TBC1D9B: variants seen among roughly 807,000 people sequenced by gnomAD.
TBC1D9B encodes the protein TBC1 domain family, member 9B (with GRAM domain).
In TBC1D9B, 87 loss-of-function variants were observed where a neutral mutation model predicts 121.1. The observed-to-expected ratio is 0.72, with a 90% CI of 0.60 to 0.86. The LOEUF is 0.86. TBC1D9B is among the 40% of genes least tolerant of loss of function. The pLI is 0.00. For missense variants in TBC1D9B, 1,540 were observed against 1,628.6 expected (o/e 0.95, Z 0.94); for synonymous variants, 668 against 670.1 (o/e 1.00, Z 0.05).
rs953427293 is a variant in TBC1D9B at position 179,890,356 on chromosome 5, G to A, written c.1044+1023C>T. On this transcript the variant is annotated intron_variant, in intron 6 of 20. Coordinates refer to ENST00000355235, the MANE Select transcript of TBC1D9B (RefSeq NM_015043.4). The surrounding 1 kb of genome is among the most constrained non-coding windows in gnomAD (Gnocchi z 5.0). ...CTACCATCTGAGATGTCAAGGGCCC[G>A]GCAGGAGAAATCCAAACGGAGCCTC... Among the ~76,000 whole-genome samples the A allele has an allele frequency of 1.3e-5, 2 of 152,166 alleles. No individual in the cohort carries two copies. The highest frequency in any genetic ancestry group is 6.5e-5 in the Admixed American group (1 of 15,284).
chr5:179,863,329 C>T lies in TBC1D9B; in HGVS notation c.*119G>A, dbSNP rs1759900993. On this transcript the variant is annotated 3_prime_UTR_variant, in exon 21 of 21. Transcript: ENST00000355235. The surrounding 1 kb of genome is among the most constrained non-coding windows in gnomAD (Gnocchi z 4.5). The stretch of plus-strand genomic sequence containing the variant: ...CCTTCTTTCCACTCACAACTCACTG[C>T]TCCTGGGAGAGCAGGAGGGGCACAC... 7 of 1,204,858 alleles carry T rather than the reference C, an allele frequency of 5.8e-6. No homozygotes were observed. Among genetic ancestry groups the T allele is most frequent in the Non-Finnish European group, 6.9e-6 (6 of 867,848 alleles). 74.6% of individuals were successfully genotyped at this position (1,204,858 alleles called of 1,614,324 possible). A position where few individuals can be genotyped will look rare whatever the true frequency, so the allele number is the denominator to read the frequency against.
Position 179,894,460 on chromosome 5 carries a change from C to G in TBC1D9B, c.503G>C (p.Arg168Pro). ...GTACAGCCAGCCCTGCCGGGGCACG[C>G]GGCCCTTCCAGTAGCTGCAGGAGTA... ...NYYSCSYWKG[R>P]VPRQGWLYLT... Residue 168 changes from arginine to proline, a missense_variant, in exon 4 of 21, where the codon CGC becomes CCC. Coordinates refer to ENST00000355235, the MANE Select transcript of TBC1D9B (RefSeq NM_015043.4). 2 of 1,614,154 alleles carry G rather than the reference C, an allele frequency of 1.2e-6. No individual in the cohort carries two copies. The highest frequency in any genetic ancestry group is 1.7e-6 in the Non-Finnish European group (2 of 1,179,996).
At position 179,870,579 on chromosome 5, in the gene TBC1D9B, C is replaced by G. The variant is rs1404487076; in HGVS notation, c.2485-84G>C. On this transcript the variant is annotated intron_variant, in intron 15 of 20. Transcript: ENST00000355235. ...CCTAGGCTGGTGGTGTGTCCACCCT[C>G]CCCCTCTGTCCAAGCCTGCGGAGCC... 4 of 1,486,804 alleles carry G rather than the reference C, an allele frequency of 2.7e-6. No homozygotes were observed. In the Admixed American group the frequency reaches 8.6e-5, roughly 32 times the overall value. 92.1% of individuals were successfully genotyped at this position (1,486,804 alleles called of 1,614,324 possible).
intron 7 of TBC1D9B, among the ~76,000 whole-genome samples, chr5:179,886,910 A>C (rs1416577648): frequency 6.6e-6 from 1 of 152,280 alleles, no homozygotes; most frequent in Non-Finnish European, 1.5e-5. Flanking sequence ...GGGCTAGACC[A>C]GATGAGCCCC....
In TBC1D9B at chr5:179,863,368, C is replaced by G. The variant is rs1759902111; in HGVS notation, c.*80G>C. 6.7e-7 allele frequency: 1 copy of G among 1,494,348 alleles called. No homozygotes were observed. The highest frequency in any genetic ancestry group is 9.0e-7 in the Non-Finnish European group (1 of 1,106,700). The allele number at this position is 1,494,348 out of a possible 1,614,324, so 92.6% of individuals were successfully genotyped here. ...GGAGGGGCACACCTTTAAAGAGAAA[C>G]TGATAAGGGAGGAAAGGCAGGAGGA... On this transcript the variant is annotated 3_prime_UTR_variant, in exon 21 of 21. Coordinates refer to ENST00000355235, the MANE Select transcript of TBC1D9B (RefSeq NM_015043.4). The surrounding 1 kb of genome is among the most constrained non-coding windows in gnomAD (Gnocchi z 4.5).
rs1226663437 is a variant in TBC1D9B, at chr5:179,887,180, GA to G, written c.1254+922del. On this transcript the variant is annotated intron_variant, in intron 7 of 20. Transcript: ENST00000355235. Reference sequence around the variant, plus strand: ...TTTGGGAGAATTTCAGCTCCCAGACGAAAGGAGGAATGGAATGAGCATGCCG... The same window carrying G: ...TTTGGGAGAATTTCAGCTCCCAGACGAAGGAGGAATGGAATGAGCATGCCG... Among the ~76,000 whole-genome samples, 71 of 152,166 alleles carry G rather than the reference GA, an allele frequency of 4.7e-4. 1 individual carries two copies. Among genetic ancestry groups the G allele is most frequent in the Admixed American group, 4.6e-3 (71 of 15,284 alleles).
chr5:179,871,369 T>C (rs1491003414), intron 15 of TBC1D9B, 93 bp downstream of exon 15: 2 of 1,261,036 alleles, frequency 1.6e-6, no homozygotes, highest in South Asian at 1.3e-5. Context: ...CCTATTTCTA[T>C]CTACTTCTAA....
chr5:179,905,253 T>A (rs571593324), intron 1 of TBC1D9B, among the ~76,000 whole-genome samples: 27 of 152,350 alleles, frequency 1.8e-4, no homozygotes, highest in African/African-American at 6.5e-4. Flanking sequence ...TTTTCCTAAC[T>A]GCCATGTGCG....
rs375542132 is a variant in TBC1D9B, at chr5:179,879,152, C to G, written c.1462G>C (p.Glu488Gln). 2 of 1,606,208 alleles carry G rather than the reference C, an allele frequency of 1.2e-6. No homozygotes were observed. Among genetic ancestry groups the G allele is most frequent in the Non-Finnish European group, 1.7e-6 (2 of 1,179,570 alleles). The change falls in exon 9 of 21, where the codon GAG (glutamate) becomes CAG (glutamine). Residue 488 changes from glutamate to glutamine, a missense_variant. Glu to Gln is a conservative substitution (Grantham distance 29, BLOSUM62 2). Coordinates refer to ENST00000355235, the MANE Select transcript of TBC1D9B (RefSeq NM_015043.4). ...KEESWHIHFF[E>Q]YGRGVCMYRT... Reference sequence around the variant, plus strand: ...TACATGCACACGCCACGCCCGTACTCGAAGAAGTGGATGTGCCATGACTCC... The same window carrying G: ...TACATGCACACGCCACGCCCGTACTGGAAGAAGTGGATGTGCCATGACTCC...
At chr5:179,881,616 T>G (rs1297352349) in intron 7 of TBC1D9B, among the ~76,000 whole-genome samples, 1 of 152,222 alleles carries the variant, frequency 6.6e-6, no homozygotes, top group African/African-American at 2.4e-5. Flanking sequence ...CTCCCAGAAG[T>G]TACCTCCATT....
rs1759881451 is a variant in TBC1D9B, at chr5:179,862,769, T to C, written c.*679A>G. The C allele has an allele frequency of 5.6e-6, 2 of 359,620 alleles. No homozygotes were observed. Among genetic ancestry groups the C allele is most frequent in the South Asian group, 4.0e-5 (2 of 50,610 alleles). The allele number at this position is 359,620 out of a possible 1,614,324, so 22.3% of individuals were successfully genotyped here. ...TTTCTTTCAGGGATTTATTAAGGCA[T>C]TGAGCACAGTGTAATTTCTAGCCAA... On this transcript the variant is annotated 3_prime_UTR_variant, in exon 21 of 21. Coordinates refer to ENST00000355235, the MANE Select transcript of TBC1D9B (RefSeq NM_015043.4).
At chr5:179,884,686 G>T (rs1760628347) in intron 7 of TBC1D9B, 1 of 152,188 alleles carries the variant, frequency 6.6e-6, no homozygotes. Context: ...CCTTAAAAAA[G>T]AAATCTTGAG....
chr5:179,905,061 C>G (rs868319283), intron 1 of TBC1D9B, among the ~76,000 whole-genome samples: 1 of 152,220 alleles, frequency 6.6e-6, no homozygotes, highest in African/African-American at 2.4e-5. Context: ...CACTTGCAGG[C>G]AGAGGCAGAT....
chr5:179,903,292 C>T (rs985967988), intron 2 of TBC1D9B, among the ~76,000 whole-genome samples: 1 of 146,160 alleles, frequency 6.8e-6, no homozygotes, highest in African/African-American at 2.8e-5. Flanking sequence ...CCGGGTGGTT[C>T]AGGCAAGTGC....
Position 179,902,981 on chromosome 5 carries a change from A to G in TBC1D9B, c.229+1721T>C, listed in dbSNP as rs983483144. Reference sequence around the variant, plus strand: ...TGCCCGTGCAGAGCGCCCACCTGGGAGTGGGGCTATTCCCGGGGTGCCGCC... The same window carrying G: ...TGCCCGTGCAGAGCGCCCACCTGGGGGTGGGGCTATTCCCGGGGTGCCGCC... On this transcript the variant is annotated intron_variant, in intron 2 of 20. Transcript: ENST00000355235. This position sits in a 1 kb window ranked among gnomAD's most constrained non-coding sequence, Gnocchi z 4.9. 2.3e-4 allele frequency among the ~76,000 whole-genome samples: 35 copies of G among 152,174 alleles called. No homozygotes were observed. Among genetic ancestry groups the G allele is most frequent in the African/African-American group, 8.0e-4 (33 of 41,438 alleles).
In TBC1D9B at chr5:179,863,771, A is replaced by G. The variant is rs540973351; in HGVS notation, c.3379T>C (p.Ser1127Pro). The G allele has an allele frequency of 1.9e-6, 3 of 1,613,510 alleles. No individual in the cohort carries two copies. The South Asian group carries it at 3.3e-5, about 18-fold the overall frequency. Residue 1127 changes from serine to proline, a missense_variant, in exon 21 of 21, where the codon TCT becomes CCT. Ser to Pro is a moderately conservative substitution (Grantham distance 74). Coordinates refer to ENST00000355235, the MANE Select transcript of TBC1D9B (RefSeq NM_015043.4). This position sits in a 1 kb window ranked among gnomAD's most constrained non-coding sequence, Gnocchi z 4.5. ...EGQGSPSQLL[S>P]DDETKDDMSM... is the part of the protein sequence containing the mutation. ...ATGTCGTCTTTGGTTTCATCGTCAG[A>G]CAGCAGCTGGGAGGGTGAGCCCTGT...
In TBC1D9B at chr5:179,893,464, C is replaced by T. The variant is rs1197237325; in HGVS notation, c.581G>A (p.Ser194Asn). Reference sequence around the variant, plus strand: ...TATGTCCACCCACTGCACCACGAGGCTCACTGTGCCCACAGAGATAGACAC... The same window carrying T: ...TATGTCCACCCACTGCACCACGAGGTTCACTGTGCCCACAGAGATAGACAC... ...FYSFLLGKEV[S>N]LVVQWVDITR... Residue 194 changes from serine to asparagine, a missense_variant, in exon 5 of 21, where the codon AGC (serine) becomes AAC (asparagine). Physicochemically the swap from Ser to Asn is conservative, Grantham distance 46. Coordinates refer to ENST00000355235, the MANE Select transcript of TBC1D9B (RefSeq NM_015043.4). The T allele has an allele frequency of 1.3e-6, 2 of 1,597,954 alleles. No individual in the cohort carries two copies. Among genetic ancestry groups the T allele is most frequent in the Admixed American group, 1.7e-5 (1 of 59,188 alleles).
rs1760852964 is a variant in TBC1D9B, at chr5:179,891,286, G to A, written c.1044+93C>T. The A allele has an allele frequency of 6.9e-7, 1 of 1,451,546 alleles. No individual in the cohort carries two copies. The highest frequency in any genetic ancestry group is 1.2e-5 in the South Asian group (1 of 82,444). 89.9% of individuals were successfully genotyped at this position (1,451,546 alleles called of 1,614,324 possible). A position where few individuals can be genotyped will look rare whatever the true frequency, so the allele number is the denominator to read the frequency against. On this transcript the variant is annotated intron_variant, in intron 6 of 20. Transcript: ENST00000355235. The surrounding 1 kb of genome is among the most constrained non-coding windows in gnomAD (Gnocchi z 4.3). Reference sequence around the variant, plus strand: ...AGGGCATCCTCCCAGGTACCCCCCAGTGAGACAGGGCAGAGCAGGACAGGC... The same window carrying A: ...AGGGCATCCTCCCAGGTACCCCCCAATGAGACAGGGCAGAGCAGGACAGGC...
rs770831310 is a variant in TBC1D9B, at chr5:179,879,764, G to A, written c.1280C>T (p.Ser427Leu). ...AGAGGCTGGGCTGGCGGGCTGCTCC[G>A]ACCCCTCCTGAGGAGCTGGGGAAGA... Reference protein sequence around the residue: ...TESSPAPQEGSEQPASPASPL... With the variant: ...TESSPAPQEGLEQPASPASPL... Residue 427 changes from serine (S) to leucine (L), a missense_variant, in exon 8 of 21, where the codon TCG (serine) becomes TTG (leucine). Transcript: ENST00000355235. 10 of 1,613,598 alleles carry A rather than the reference G, an allele frequency of 6.2e-6. No individual in the cohort carries two copies. Among genetic ancestry groups the A allele is most frequent in the South Asian group, 2.2e-5 (2 of 91,046 alleles).
Sources: allele counts gnomAD v4.1 joint callset (sites outside exome capture counted in the v4.1 genomes callset), GRCh38; gene constraint gnomAD v4.1.1; non-coding constraint Gnocchi (gnomAD v3.1); transcripts MANE v1.5; gene names NCBI Gene and HGNC (gene_info 2026-07-23, HGNC 2026-07-21).